Variants in IFT52 observed in about 807,000 individuals in gnomAD.
The protein encoded by IFT52 is intraflagellar transport protein 52 homolog.
A neutral mutation model predicts 54.4 loss-of-function variants in IFT52; 44 were observed. That is an observed-to-expected ratio of 0.81 (90% CI 0.63 to 1.04). IFT52 has a LOEUF of 1.04. Among genes scored for constraint, IFT52 ranks in the 50% least tolerant of loss-of-function variants. The probability of loss-of-function intolerance (pLI) is 0.00; values close to 1 mark genes in which losing one functional copy is unlikely to be tolerated. For synonymous variants in IFT52, 181 were observed against 185.3 expected (o/e 0.98, Z 0.19); for missense variants, 452 against 523.6 (o/e 0.86, Z 1.33).
intron 10 of IFT52, among the ~76,000 whole-genome samples, chr20:43,634,757 T>C (rs1985404173): frequency 1.3e-5 from 2 of 152,148 alleles, no homozygotes; most frequent in African/African-American, 2.4e-5. Context: ...TTAAGCCTAG[T>C]ATCCATTAGT....
intron 10 of IFT52, among the ~76,000 whole-genome samples, chr20:43,631,924 C>CTT (rs561193928): frequency 1.8e-4 from 25 of 137,666 alleles, no homozygotes; most frequent in African/African-American, 4.5e-4. Flanking sequence ...TCTGATTTGT[C>CTT]TTTTTTTTTT....
intron 6 of IFT52, among the ~76,000 whole-genome samples, chr20:43,612,267 G>T (rs1983512336): frequency 1.3e-5 from 2 of 152,026 alleles, no homozygotes; most frequent in African/African-American, 4.8e-5. Context: ...AATCCACCTT[G>T]CTGGGATACT....
chr20:43,615,789 T>C (rs994991281), intron 7 of IFT52, among the ~76,000 whole-genome samples: 7 of 151,590 alleles, frequency 4.6e-5, no homozygotes, highest in African/African-American at 1.7e-4. Flanking sequence ...TTACAAAAAT[T>C]AGCTGGGCGT....
intron 10 of IFT52, among the ~76,000 whole-genome samples, chr20:43,632,899 T>G (rs1245614732): frequency 2.6e-5 from 4 of 152,236 alleles, no homozygotes; most frequent in Non-Finnish European, 4.4e-5. Flanking sequence ...GATATGAAAC[T>G]TGAAAGAAAT....
At chr20:43,593,716 T>C (rs559690989) in intron 1 of IFT52, among the ~76,000 whole-genome samples, 31 of 152,076 alleles carry the variant, frequency 2.0e-4, no homozygotes, top group Non-Finnish European at 4.0e-4. Flanking sequence ...ACTACAGATA[T>C]GTGCCACCAT....
chr20:43,617,941 G>C (rs933173659), intron 7 of IFT52, among the ~76,000 whole-genome samples: 7 of 151,924 alleles, frequency 4.6e-5, no homozygotes, highest in African/African-American at 1.7e-4. Flanking sequence ...ACAGGGTTTT[G>C]CCTCCCATGT....
At chr20:43,605,952 A>C (rs1394789753) in intron 6 of IFT52, among the ~76,000 whole-genome samples, 1 of 152,156 alleles carries the variant, frequency 6.6e-6, no homozygotes, top group Non-Finnish European at 1.5e-5. Flanking sequence ...CGGGTGTGGT[A>C]GCTCACTCCT....
In IFT52 at chr20:43,624,031, C is replaced by G. The variant is rs1600494337; in HGVS notation, c.909C>G (p.Phe303Leu). The change falls in exon 10 of 14, where the codon TTC (phenylalanine) becomes TTG (leucine). Residue 303 changes from phenylalanine (F) to leucine (L), a missense_variant. Coordinates refer to ENST00000373030, the MANE Select transcript of IFT52 (RefSeq NM_016004.5). ...TCTTCCAGCTGGATACCACCTCCTTCCACAGCGTCATCGAGTCAGTACCTG... is the reference window on the plus strand; with the variant it reads ...TCTTCCAGCTGGATACCACCTCCTTGCACAGCGTCATCGAGTCAGTACCTG... ...LSIFQLDTTS[F>L]HSVIEAHEQL... is the part of the protein sequence containing the mutation. 6.2e-7 allele frequency: 1 copy of G among 1,614,150 alleles called. No homozygotes were observed. The highest frequency in any genetic ancestry group is 2.2e-5 in the East Asian group (1 of 44,894).
At chr20:43,622,525 C>T (rs1482153981) in intron 9 of IFT52, among the ~76,000 whole-genome samples, 1 of 151,476 alleles carries the variant, frequency 6.6e-6, no homozygotes, top group African/African-American at 2.4e-5. Context: ...ATGGCATGAA[C>T]GCAGGAGGCA....
At chr20:43,608,515 C>T (rs1372886916) in intron 6 of IFT52, among the ~76,000 whole-genome samples, 1 of 151,992 alleles carries the variant, frequency 6.6e-6, no homozygotes, top group Non-Finnish European at 1.5e-5. Flanking sequence ...TTTGTCTTTT[C>T]GCATTCATTT....
intron 6 of IFT52, among the ~76,000 whole-genome samples, chr20:43,608,040 C>G (rs1276037016): frequency 1.1e-5 from 1 of 88,890 alleles, no homozygotes; most frequent in Non-Finnish European, 2.5e-5. Flanking sequence ...CACAGGCACT[C>G]GGCAGGCTGA....
At chr20:43,620,646 ACT>A (rs1984223507) in intron 8 of IFT52, among the ~76,000 whole-genome samples, 1 of 152,074 alleles carries the variant, frequency 6.6e-6, no homozygotes, top group African/African-American at 2.4e-5. Context: ...ACGGAGCGAG[ACT>A]CTGTCTCAAA....
chr20:43,609,989 TA>T (rs1329946156), intron 6 of IFT52, among the ~76,000 whole-genome samples: 1 of 150,636 alleles, frequency 6.6e-6, no homozygotes, highest in Non-Finnish European at 1.5e-5. Context: ...AATTAAATTT[TA>T]AAAGAAAGCA....
intron 7 of IFT52, among the ~76,000 whole-genome samples, chr20:43,615,279 C>T (rs1983772087): frequency 6.6e-6 from 1 of 151,700 alleles, no homozygotes; most frequent in African/African-American, 2.4e-5. Flanking sequence ...TGAGCTCAGG[C>T]AATCCCCCCC....
At chr20:43,624,685 G>C (rs1984590261) in intron 10 of IFT52, among the ~76,000 whole-genome samples, 1 of 152,176 alleles carries the variant, frequency 6.6e-6, no homozygotes, top group Non-Finnish European at 1.5e-5. Context: ...CTGGGGAAAA[G>C]CAGTTAAAAG....
chr20:43,618,977 A>G lies in IFT52; in HGVS notation c.650A>G (p.His217Arg). ...GGKLAVLGSC[H>R]MFSDQYLDKE... ...AAGCTGGCAGTGCTTGGTTCATGTCACATGTTCAGTGATCAATATTTGGAC... is the reference window on the plus strand; with the variant it reads ...AAGCTGGCAGTGCTTGGTTCATGTCGCATGTTCAGTGATCAATATTTGGAC... The change falls in exon 8 of 14, where the codon CAC (histidine) becomes CGC (arginine). Residue 217 changes from histidine to arginine, a missense_variant. Coordinates refer to ENST00000373030, the MANE Select transcript of IFT52 (RefSeq NM_016004.5). 1 of 1,614,062 alleles carries G rather than the reference A, an allele frequency of 6.2e-7. No individual in the cohort carries two copies. The highest frequency in any genetic ancestry group is 1.1e-5 in the South Asian group (1 of 91,056).
chr20:43,642,360 A>G, intron 12 of IFT52, 119 bp from the exon 13 acceptor site: 1 of 853,194 alleles, frequency 1.2e-6, no homozygotes. Flanking sequence ...CTTTAGGAAG[A>G]GGTGAGTGAT....
chr20:43,622,740 T>A (rs1329896843), intron 9 of IFT52, among the ~76,000 whole-genome samples: 191 of 134,738 alleles, frequency 1.4e-3, no homozygotes, highest in African/African-American at 4.9e-3. Context: ...TATATACATA[T>A]TTTTATGTAA....
At chr20:43,638,005 A>C (rs948227453) in intron 12 of IFT52, among the ~76,000 whole-genome samples, 5 of 152,144 alleles carry the variant, frequency 3.3e-5, no homozygotes, top group South Asian at 2.1e-4. Context: ...GTGGATGAAG[A>C]AATGAGGCCC....
Sources: allele counts gnomAD v4.1 joint callset (sites outside exome capture counted in the v4.1 genomes callset), GRCh38; gene constraint gnomAD v4.1.1; transcripts MANE v1.5; gene names NCBI Gene and HGNC (gene_info 2026-07-23, HGNC 2026-07-21).